The following REEP1 variants were observed in gnomAD, a reference collection of about 807,000 sequenced individuals.
REEP1 encodes receptor expression-enhancing protein 1.
Under a neutral mutation model 40.3 loss-of-function variants are expected in REEP1, and 22 were observed. The ratio of observed to expected loss-of-function variants is 0.55; its 90% CI spans 0.39 to 0.78. REEP1 has a LOEUF of 0.78. Among genes scored for constraint, REEP1 ranks in the 30% least tolerant of loss-of-function variants. The probability of loss-of-function intolerance (pLI) is 0.00; values close to 1 mark genes in which losing one functional copy is unlikely to be tolerated. For synonymous variants in REEP1, 116 were observed against 139.2 expected, an observed-to-expected ratio of 0.83 and a Z score of 1.17; for missense variants, 280 against 361.1, an observed-to-expected ratio of 0.78 and a Z score of 1.82.
intron 2 of REEP1, among the ~76,000 whole-genome samples, chr2:86,276,212 A>G (rs1677748035): frequency 6.6e-6 from 1 of 152,228 alleles, no homozygotes; most frequent in South Asian, 2.1e-4. Context: ...GCCAGCAGCA[A>G]TGACCAAGCA....
At chr2:86,308,387 C>CA (rs5832680) in intron 1 of REEP1, among the ~76,000 whole-genome samples, 1 of 152,106 alleles carries the variant, frequency 6.6e-6, no homozygotes, top group East Asian at 1.9e-4. Context: ...ACTAAAAATA[C>CA]AAAAAAAAAT....
At position 86,232,775 on chromosome 2, in the gene REEP1, G is replaced by A. The variant is rs771715116; in HGVS notation, c.445C>T (p.Arg149Trp). 5.0e-6 allele frequency: 8 copies of A among 1,603,452 alleles called. No individual in the cohort carries two copies. Among genetic ancestry groups the A allele is most frequent in the African/African-American group, 1.3e-5 (1 of 74,890 alleles). ...KGQGALSERLRSFSMQDLTTI... is the reference protein window; with the variant it reads ...KGQGALSERLWSFSMQDLTTI... Reference sequence around the variant, plus strand: ...GTGAGGTCCTGCATGCTGAAGCTCCGCAGTCTCTCCGATAAGGCACCCTGT... The same window carrying A: ...GTGAGGTCCTGCATGCTGAAGCTCCACAGTCTCTCCGATAAGGCACCCTGT... The change falls in exon 6 of 9, where the codon CGG (arginine) becomes TGG (tryptophan). Residue 149 changes from arginine (R) to tryptophan (W), a missense_variant. Arg to Trp is a moderately radical substitution (Grantham distance 101, BLOSUM62 -3). Coordinates refer to ENST00000538924, the MANE Select transcript of REEP1 (RefSeq NM_001371279.1).
At chr2:86,308,419 G>A (rs1331142776) in intron 1 of REEP1, among the ~76,000 whole-genome samples, 4 of 152,154 alleles carry the variant, frequency 2.6e-5, no homozygotes, top group African/African-American at 7.2e-5. Context: ...GGTAGTGCAC[G>A]CCTGTAGTCC....
At chr2:86,300,257 C>T (rs1341380172) in intron 1 of REEP1, among the ~76,000 whole-genome samples, 1 of 152,208 alleles carries the variant, frequency 6.6e-6, no homozygotes, top group Admixed American at 6.5e-5. Context: ...AATCGGTCCA[C>T]TCTCTCTATT....
chr2:86,292,651 G>C (rs1678780103), intron 1 of REEP1, among the ~76,000 whole-genome samples: 1 of 152,140 alleles, frequency 6.6e-6, no homozygotes, highest in Non-Finnish European at 1.5e-5. Context: ...CTTCTGGTGG[G>C]CTTCATCTAA....
chr2:86,315,749 G>T (rs1247842085), intron 1 of REEP1, among the ~76,000 whole-genome samples: 1 of 152,166 alleles, frequency 6.6e-6, no homozygotes, highest in Non-Finnish European at 1.5e-5. Context: ...GATGCTCTCT[G>T]GGTCACCATC....
chr2:86,215,023 C>CTTTTTTTTTTTTTTTTTTTTT lies in REEP1; in HGVS notation c.*1995_*2015dup, dbSNP rs11350708. 9 of 59,572 alleles carry CTTTTTTTTTTTTTTTTTTTTT rather than the reference C, an allele frequency of 1.5e-4. No homozygotes were observed. Among genetic ancestry groups the CTTTTTTTTTTTTTTTTTTTTT allele is most frequent in the Admixed American group, 5.8e-4 (2 of 3,474 alleles). 3.7% of individuals were successfully genotyped at this position (59,572 alleles called of 1,614,324 possible). ...AAAAATTGCTAAGAAGCTGTGTAAGCTTTTTTTTTTTTTTTTTTTTTTTGC... is the reference window on the plus strand; with the variant it reads ...AAAAATTGCTAAGAAGCTGTGTAAGCTTTTTTTTTTTTTTTTTTTTTTTTTTTTTTTTTTTTTTTTTTTTGC... On this transcript the variant is annotated 3_prime_UTR_variant, in exon 9 of 9. Coordinates refer to ENST00000538924, the MANE Select transcript of REEP1 (RefSeq NM_001371279.1).
At chr2:86,240,390 CA>C (rs1403122516) in intron 5 of REEP1, among the ~76,000 whole-genome samples, 1 of 152,234 alleles carries the variant, frequency 6.6e-6, no homozygotes, top group Non-Finnish European at 1.5e-5. Flanking sequence ...CAGGGGATGG[CA>C]CCGTCACCGT....
At chr2:86,328,694 A>G (rs1680625511) in intron 1 of REEP1, among the ~76,000 whole-genome samples, 1 of 152,118 alleles carries the variant, frequency 6.6e-6, no homozygotes. Flanking sequence ...GAAAAAAAAG[A>G]AAGTGAGACA....
At chr2:86,274,603 G>C (rs933862174) in intron 2 of REEP1, among the ~76,000 whole-genome samples, 3 of 152,134 alleles carry the variant, frequency 2.0e-5, no homozygotes, top group Non-Finnish European at 4.4e-5. Context: ...TTTTCCCCAA[G>C]GTTTGAAATA....
At chr2:86,251,859 A>T (rs540764617) in intron 5 of REEP1, 98 bp downstream of exon 5, 1 of 864,656 alleles carries the variant, frequency 1.2e-6, no homozygotes, top group Non-Finnish European at 2.0e-6. Context: ...AAAACCACTG[A>T]TTGGTCCTTA....
At chr2:86,282,889 G>A (rs1044984279) in intron 1 of REEP1, among the ~76,000 whole-genome samples, 17 of 152,130 alleles carry the variant, frequency 1.1e-4, no homozygotes, top group African/African-American at 3.1e-4. Context: ...CTTGTGCTCA[G>A]CCCTGCCTCT....
At chr2:86,276,784 G>T (rs562977098) in intron 2 of REEP1, among the ~76,000 whole-genome samples, 1 of 145,230 alleles carries the variant, frequency 6.9e-6, no homozygotes, top group South Asian at 2.1e-4. Context: ...AGTGAGGTCC[G>T]TGGACCAGCA....
intron 1 of REEP1, among the ~76,000 whole-genome samples, chr2:86,304,777 G>A (rs889100438): frequency 2.0e-5 from 3 of 152,224 alleles, no homozygotes; most frequent in African/African-American, 7.2e-5. Flanking sequence ...TAGAGGTGAT[G>A]TGACCAAAGT....
chr2:86,240,679 A>T (rs534580344), intron 5 of REEP1, among the ~76,000 whole-genome samples: 1 of 152,222 alleles, frequency 6.6e-6, no homozygotes, highest in South Asian at 2.1e-4. Flanking sequence ...TTTGACAATA[A>T]ACTGAGCACT....
chr2:86,271,604 C>T (rs1446186844), intron 2 of REEP1, among the ~76,000 whole-genome samples: 1 of 152,174 alleles, frequency 6.6e-6, no homozygotes, highest in Admixed American at 6.5e-5. Context: ...GACTCTAAAA[C>T]ATGTTTCTCA....
intron 1 of REEP1, among the ~76,000 whole-genome samples, chr2:86,321,973 G>A (rs1243721209): frequency 6.6e-6 from 1 of 152,104 alleles, no homozygotes; most frequent in African/African-American, 2.4e-5. Flanking sequence ...AAGGCACAAC[G>A]CCACACTGTT....
chr2:86,263,440 T>C (rs1008761900), intron 3 of REEP1, among the ~76,000 whole-genome samples: 2 of 152,160 alleles, frequency 1.3e-5, no homozygotes, highest in Non-Finnish European at 2.9e-5. Flanking sequence ...GGTTTCGCCA[T>C]GTTAGCCAGG....
chr2:86,337,546 G>A lies in REEP1; in HGVS notation c.-36C>T. ...CGGGCGGGCGAGGCCCGGGCGGCGC[G>A]GCTCGGCTAGGCTGCGGGCGGCGCG... On this transcript the variant is annotated 5_prime_UTR_variant, in exon 1 of 9. Transcript: ENST00000538924. The surrounding 1 kb of genome is among the most constrained non-coding windows in gnomAD (Gnocchi z 5.8). 1.6e-6 allele frequency: 2 copies of A among 1,224,422 alleles called. No homozygotes were observed. Among genetic ancestry groups the A allele is most frequent in the Non-Finnish European group, 2.0e-6 (2 of 983,174 alleles). 75.8% of individuals were successfully genotyped at this position (1,224,422 alleles called of 1,614,324 possible).
Sources: allele counts gnomAD v4.1 joint callset (sites outside exome capture counted in the v4.1 genomes callset), GRCh38; gene constraint gnomAD v4.1.1; non-coding constraint Gnocchi (gnomAD v3.1); transcripts MANE v1.5; gene names NCBI Gene and HGNC (gene_info 2026-07-23, HGNC 2026-07-21).